Variants in CRYGN observed in about 807,000 individuals in gnomAD.
CRYGN encodes the protein gamma-crystallin N.
Under a neutral mutation model 19.2 loss-of-function variants are expected in CRYGN, and 17 were observed. The observed-to-expected ratio is 0.89, with a 90% CI of 0.61 to 1.33. The LOEUF (loss-of-function observed/expected upper bound fraction) is 1.33. CRYGN is among the 40% of genes most tolerant of loss of function. CRYGN has a pLI of 0.00. For missense variants in CRYGN, 239 were observed against 239.6 expected (o/e 1.00, Z 0.02); for synonymous variants, 84 against 85.8 (o/e 0.98, Z 0.12).
chr7:151,440,329 C>A, upstream of CRYGN: 1 of 250,258 alleles, frequency 4.0e-6, no homozygotes, highest in Non-Finnish European at 7.6e-6. Context: ...CTCCCCAGCC[C>A]ACTCCCCTTT....
At chr7:151,434,582 T>C (rs1801552901) in intron 3 of CRYGN, among the ~76,000 whole-genome samples, 2 of 152,134 alleles carry the variant, frequency 1.3e-5, no homozygotes, top group African/African-American at 4.8e-5. Context: ...TCCCTCCCTA[T>C]CCCTGGGAAC....
Position 151,432,200 on chromosome 7 carries a change from C to T in CRYGN, c.417-2020G>A. 6 of 1,232,176 alleles carry T rather than the reference C, an allele frequency of 4.9e-6. No homozygotes were observed. In the South Asian group the frequency reaches 2.5e-4, roughly 51 times the overall value. 76.3% of individuals were successfully genotyped at this position (1,232,176 alleles called of 1,614,324 possible). A position where few individuals can be genotyped will look rare whatever the true frequency, so the allele number is the denominator to read the frequency against. ...AGCGACTGCACTCGTGCGCTGTGGG[C>T]CTCCCAGTCCGAGAAGCTGCGGAAG... On this transcript the variant is annotated intron_variant, in intron 3 of 3. Transcript: ENST00000337323.
At position 151,438,027 on chromosome 7, in the gene CRYGN, T is replaced by A. The variant is rs1350933554; in HGVS notation, c.239A>T (p.Asp80Val). 6.2e-7 allele frequency: 1 copy of A among 1,613,864 alleles called. No homozygotes were observed. The highest frequency in any genetic ancestry group is 1.7e-5 in the Admixed American group (1 of 60,028). The change falls in exon 2 of 4, where the codon GAC (aspartate) becomes GTC (valine). Residue 80 changes from aspartate to valine, a missense_variant. Physicochemically the swap from Asp to Val is radical, Grantham distance 152 (BLOSUM62 -3). Coordinates refer to ENST00000337323, the MANE Select transcript of CRYGN (RefSeq NM_144727.3). ...TACAGGCCGACAGGAGCCCATGTGG[T>A]CACTGTGGCTGTTCCAGCGGAAGAA... ...PDFFRWNSHSDHMGSCRPVGM... is the reference protein window; with the variant it reads ...PDFFRWNSHSVHMGSCRPVGM...
rs1037702653 is a variant in CRYGN, at chr7:151,433,644, C to A, written c.416+2536G>T. 2 of 155,086 alleles carry A rather than the reference C, an allele frequency of 1.3e-5. No individual in the cohort carries two copies. The highest frequency in any genetic ancestry group is 2.9e-5 in the Non-Finnish European group (2 of 68,452). 9.6% of individuals were successfully genotyped at this position (155,086 alleles called of 1,614,324 possible). A position where few individuals can be genotyped will look rare whatever the true frequency, so the allele number is the denominator to read the frequency against. On this transcript the variant is annotated intron_variant, in intron 3 of 3. Transcript: ENST00000337323. The surrounding 1 kb of genome is among the most constrained non-coding windows in gnomAD (Gnocchi z 5.1). ...ACACCTACAGCTTTCCAACCCCACA[C>A]CTGTGCCACAGCTGGGGCCTCAGAG...
Position 151,431,502 on chromosome 7 carries a change from C to T in CRYGN, c.417-1322G>A, listed in dbSNP as rs1430753611. Among the ~76,000 whole-genome samples, 4 of 152,152 alleles carry T rather than the reference C, an allele frequency of 2.6e-5. No homozygotes were observed. The highest frequency in any genetic ancestry group is 9.7e-5 in the African/African-American group (4 of 41,438). On this transcript the variant is annotated intron_variant, in intron 3 of 3. Coordinates refer to ENST00000337323, the MANE Select transcript of CRYGN (RefSeq NM_144727.3). This position sits in a 1 kb window ranked among gnomAD's most constrained non-coding sequence, Gnocchi z 4.8. ...TGCTGCACCAGCTGAAGACGCGAGC[C>T]GCCGGTTCTGGGTCTGCCAGCCCTA...
In CRYGN at chr7:151,435,498, G is replaced by A. The variant is rs1456249867; in HGVS notation, c.416+682C>T. 6.6e-6 allele frequency among the ~76,000 whole-genome samples: 1 copy of A among 152,180 alleles called. No homozygotes were observed. The highest frequency in any genetic ancestry group is 1.5e-5 in the Non-Finnish European group (1 of 68,038). On this transcript the variant is annotated intron_variant, in intron 3 of 3. Coordinates refer to ENST00000337323, the MANE Select transcript of CRYGN (RefSeq NM_144727.3). The surrounding 1 kb of genome is among the most constrained non-coding windows in gnomAD (Gnocchi z 4.2). ...GATAGTTGCAAAAGGGGAGTGTGCGGGAGGGCAGGAGGGGGCACACAGGCT... is the reference window on the plus strand; with the variant it reads ...GATAGTTGCAAAAGGGGAGTGTGCGAGAGGGCAGGAGGGGGCACACAGGCT...
rs1158315664 is a variant in CRYGN, at chr7:151,430,178, G to A, written c.419C>T (p.Ala140Val). Reference protein sequence around the residue: ...NTIKVYGDGAAWSPRSFGAED... With the variant: ...NTIKVYGDGAVWSPRSFGAED... ...AGCTCCGAAGCTTCTAGGGCTCCAT[G>A]CTCTGTGGTTTGCAGGTGAAAGGAG... The change falls in exon 4 of 4, where the codon GCA becomes GTA. Residue 140 changes from alanine (A) to valine (V), a missense_variant and splice_region_variant. By Grantham distance (64) the Ala-to-Val change is moderately conservative. Transcript: ENST00000337323. The surrounding 1 kb of genome is among the most constrained non-coding windows in gnomAD (Gnocchi z 5.2). 6.2e-7 allele frequency: 1 copy of A among 1,613,856 alleles called. No homozygotes were observed. The highest frequency in any genetic ancestry group is 1.7e-5 in the Admixed American group (1 of 60,024).
chr7:151,430,044 A>C lies in CRYGN; in HGVS notation c.*4T>G. 1.0e-6 allele frequency: 1 copy of C among 1,000,974 alleles called. No homozygotes were observed. The highest frequency in any genetic ancestry group is 1.6e-6 in the Non-Finnish European group (1 of 619,440). 62.0% of individuals were successfully genotyped at this position (1,000,974 alleles called of 1,614,324 possible). On this transcript the variant is annotated 3_prime_UTR_variant, in exon 4 of 4. Coordinates refer to ENST00000337323, the MANE Select transcript of CRYGN (RefSeq NM_144727.3). The surrounding 1 kb of genome is among the most constrained non-coding windows in gnomAD (Gnocchi z 5.2). ...GTGCATTTACATGTCAATCGGTTCC[A>C]GGCTCAGAGGTTTGCAGTCAGGAAA...
Position 151,432,665 on chromosome 7 carries a change from G to A in CRYGN, c.417-2485C>T, listed in dbSNP as rs147120195. ...CTAAAAATACAAAAATTAGCTGGGTGTGGTGGTGGGCACCTGTAATCCCAG... is the reference window on the plus strand; with the variant it reads ...CTAAAAATACAAAAATTAGCTGGGTATGGTGGTGGGCACCTGTAATCCCAG... On this transcript the variant is annotated intron_variant, in intron 3 of 3. Transcript: ENST00000337323. Among the ~76,000 whole-genome samples, 30 of 152,328 alleles carry A rather than the reference G, an allele frequency of 2.0e-4. No homozygotes were observed. The East Asian group carries it at 2.1e-3, about 11-fold the overall frequency.
At chr7:151,437,914 G>T (rs757272102) in intron 2 of CRYGN, 82 bp downstream of exon 2, 6 of 1,598,600 alleles carry the variant, frequency 3.8e-6, no homozygotes, top group Non-Finnish European at 5.1e-6. Flanking sequence ...CACGCTCCCC[G>T]ATTCCTTGCC....
rs772899871 is a variant in CRYGN at position 151,436,205 on chromosome 7, T to G, written c.391A>C (p.Thr131Pro). ...SRGWVKNCVN[T>P]IKVYGDGAAW... ...GCTCCGTCCCCGTACACCTTGATGG[T>G]GTTCACACAGTTCTTGACCCAGCCC... Residue 131 changes from threonine (T) to proline (P), a missense_variant, in exon 3 of 4, where the codon ACC (threonine) becomes CCC (proline). Physicochemically the swap from Thr to Pro is conservative, Grantham distance 38. Transcript: ENST00000337323. This position sits in a 1 kb window ranked among gnomAD's most constrained non-coding sequence, Gnocchi z 5.1. 2 of 1,572,142 alleles carry G rather than the reference T, an allele frequency of 1.3e-6. No homozygotes were observed. Among genetic ancestry groups the G allele is most frequent in the South Asian group, 2.3e-5 (2 of 85,404 alleles).
rs367555420 is a variant in CRYGN at position 151,433,955 on chromosome 7, C to T, written c.416+2225G>A. 3.3e-5 allele frequency among the ~76,000 whole-genome samples: 5 copies of T among 152,002 alleles called. No homozygotes were observed. The highest frequency in any genetic ancestry group is 1.9e-4 in the East Asian group (1 of 5,180). The stretch of plus-strand genomic sequence containing the variant: ...TTCCCTCCGAGAGCCCACCAGGACA[C>T]GGGTCTGAGGGGATGGGTCATGCCT... On this transcript the variant is annotated intron_variant, in intron 3 of 3. Transcript: ENST00000337323. The surrounding 1 kb of genome is among the most constrained non-coding windows in gnomAD (Gnocchi z 5.1).
intron 1 of CRYGN, 54 bp downstream of exon 1, chr7:151,439,843 G>T: frequency 6.6e-7 from 1 of 1,525,730 alleles, no homozygotes; most frequent in Non-Finnish European, 8.9e-7. Context: ...CCCTAGCACA[G>T]GGGGCGAAGG....
At position 151,439,864 on chromosome 7, in the gene CRYGN, C is replaced by A. The variant is rs755553022; in HGVS notation, c.21+33G>T. The A allele has an allele frequency of 3.2e-6, 5 of 1,550,014 alleles. No homozygotes were observed. In the African/African-American group the frequency reaches 4.1e-5, roughly 13 times the overall value. On this transcript the variant is annotated intron_variant, in intron 1 of 3. Coordinates refer to ENST00000337323, the MANE Select transcript of CRYGN (RefSeq NM_144727.3). Reference sequence around the variant, plus strand: ...CACAGGGGGCGAAGGCGGAGCCCCACTCGGTTTCCTTGGGGTTGAGGGACG... The same window carrying A: ...CACAGGGGGCGAAGGCGGAGCCCCAATCGGTTTCCTTGGGGTTGAGGGACG...
intron 1 of CRYGN, 37 bp from the exon 2 acceptor site, chr7:151,438,281 C>T (rs1478867997): frequency 2.5e-6 from 4 of 1,575,348 alleles, no homozygotes; most frequent in East Asian, 2.3e-5. Context: ...GGGTCAGGGG[C>T]TTCTCTCCGT....
In CRYGN at chr7:151,433,997, C is replaced by T. The variant is rs1346211145; in HGVS notation, c.416+2183G>A. Among the ~76,000 whole-genome samples the T allele has an allele frequency of 6.6e-6, 1 of 152,120 alleles. No individual in the cohort carries two copies. The highest frequency in any genetic ancestry group is 2.4e-5 in the African/African-American group (1 of 41,410). ...GTCATGCCTGGGCTGATGTGGGACC[C>T]AGAGGGAAGGAGTCTTGGCAGTGGG... On this transcript the variant is annotated intron_variant, in intron 3 of 3. Coordinates refer to ENST00000337323, the MANE Select transcript of CRYGN (RefSeq NM_144727.3). The surrounding 1 kb of genome is among the most constrained non-coding windows in gnomAD (Gnocchi z 5.1).
rs950915986 is a variant in CRYGN, at chr7:151,436,549, C to T, written c.271-224G>A. On this transcript the variant is annotated intron_variant, in intron 2 of 3. Coordinates refer to ENST00000337323, the MANE Select transcript of CRYGN (RefSeq NM_144727.3). The surrounding 1 kb of genome is among the most constrained non-coding windows in gnomAD (Gnocchi z 5.1). ...AATGTTCCAAGCCACTGAGCTGGTC[C>T]AAGCTCCTCTTTCTACAACTAGAAA... Among the ~76,000 whole-genome samples, 3 of 152,148 alleles carry T rather than the reference C, an allele frequency of 2.0e-5. No individual in the cohort carries two copies. The highest frequency in any genetic ancestry group is 7.2e-5 in the African/African-American group (3 of 41,414).
intron 3 of CRYGN, chr7:151,432,267 C>T: frequency 8.1e-7 from 1 of 1,232,172 alleles, no homozygotes; most frequent in Non-Finnish European, 1.0e-6. Flanking sequence ...GGTAGTTGGG[C>T]TCCTCATACA....
Position 151,428,863 on chromosome 7 carries a change from C to G in CRYGN, c.*1185G>C, listed in dbSNP as rs1429607040. The G allele has an allele frequency of 6.6e-6, 1 of 152,190 alleles. No individual in the cohort carries two copies. Among genetic ancestry groups the G allele is most frequent in the African/African-American group, 2.4e-5 (1 of 41,390 alleles). The allele number at this position is 152,190 out of a possible 1,614,324, so 9.4% of individuals were successfully genotyped here. A position where few individuals can be genotyped will look rare whatever the true frequency, so the allele number is the denominator to read the frequency against. ...GGTGGGAATCTTGTTTTTCCTCTTT[C>G]AGACAAAAAGCAGATTTGCTGACAG... On this transcript the variant is annotated 3_prime_UTR_variant, in exon 4 of 4. Transcript: ENST00000337323.
Sources: gnomAD v4.1 joint callset for allele counts (sites outside exome capture counted in the v4.1 genomes callset) on GRCh38, gnomAD v4.1.1 for gene constraint, Gnocchi (gnomAD v3.1) non-coding constraint, MANE v1.5 for transcripts, NCBI Gene and HGNC (gene_info 2026-07-23, HGNC 2026-07-21) for gene names.